The following CDC40 variants were observed in gnomAD, a reference collection of about 807,000 sequenced individuals.
The protein encoded by CDC40 is pre-mRNA-processing factor 17.
A neutral mutation model predicts 80.6 loss-of-function variants in CDC40; 27 were observed. That is an observed-to-expected ratio of 0.33 (90% CI 0.25 to 0.46). CDC40 has a LOEUF of 0.46. Ranked by LOEUF, CDC40 falls within the 20% of genes least tolerant of loss-of-function variation. The probability of loss-of-function intolerance (pLI) is 1.00; values close to 1 mark genes in which losing one functional copy is unlikely to be tolerated. For synonymous variants in CDC40, 221 were observed against 232.6 expected (o/e 0.95, Z 0.45); for missense variants, 486 against 694.1 (o/e 0.70, Z 3.37).
chr6:110,226,880 CATG>C (rs150076665), intron 13 of CDC40, among the ~76,000 whole-genome samples: 133 of 152,074 alleles, frequency 8.7e-4, no homozygotes, highest in Non-Finnish European at 1.6e-3. Context: ...AATCAGCTGG[CATG>C]GTGGTGCACA....
At chr6:110,214,982 G>A (rs896668144) in intron 8 of CDC40, among the ~76,000 whole-genome samples, 1 of 152,174 alleles carries the variant, frequency 6.6e-6, no homozygotes, top group Non-Finnish European at 1.5e-5. Flanking sequence ...AGAACAATAT[G>A]AAAATGAAAA....
At chr6:110,187,506 C>A (rs1373690244) in intron 1 of CDC40, among the ~76,000 whole-genome samples, 1 of 152,124 alleles carries the variant, frequency 6.6e-6, no homozygotes, top group Non-Finnish European at 1.5e-5. Context: ...CTGTTAAGGG[C>A]CAAACTCAGA....
intron 12 of CDC40, chr6:110,224,368 G>GTGTT (rs898051262): frequency 5.3e-5 from 8 of 151,834 alleles, no homozygotes; most frequent in African/African-American, 1.7e-4. Flanking sequence ...AATTAGTGCT[G>GTGTT]TGTTTGTTTG....
rs538120166 is a variant in CDC40, at chr6:110,197,792, G to A, written c.277-3766G>A. ...CTTTTTCAAGGCAGAATAGTAGGCCGTTGTGCAGACATACCACATTTTCTT... is the reference window on the plus strand; with the variant it reads ...CTTTTTCAAGGCAGAATAGTAGGCCATTGTGCAGACATACCACATTTTCTT... On this transcript the variant is annotated intron_variant, in intron 2 of 14. Coordinates refer to ENST00000307731, the MANE Select transcript of CDC40 (RefSeq NM_015891.3). Among the ~76,000 whole-genome samples, 13 of 152,228 alleles carry A rather than the reference G, an allele frequency of 8.5e-5. 1 individual carries two copies. The South Asian group carries it at 1.2e-3, about 15-fold the overall frequency.
chr6:110,210,286 G>C (rs764393241), intron 5 of CDC40, among the ~76,000 whole-genome samples: 5 of 151,490 alleles, frequency 3.3e-5, no homozygotes, highest in Admixed American at 1.3e-4. Flanking sequence ...GAGCTTGGCC[G>C]GGCCTGTAAG....
At chr6:110,218,618 A>G (rs930161763) in intron 10 of CDC40, among the ~76,000 whole-genome samples, 1 of 152,184 alleles carries the variant, frequency 6.6e-6, no homozygotes, top group Non-Finnish European at 1.5e-5. Context: ...AATTCTGGCC[A>G]CACATTGTAA....
At chr6:110,223,875 C>T (rs1424854993) in intron 12 of CDC40, among the ~76,000 whole-genome samples, 1 of 151,630 alleles carries the variant, frequency 6.6e-6, no homozygotes, top group Non-Finnish European at 1.5e-5. Flanking sequence ...CTCTGTCACC[C>T]AGGCTGGAGT....
intron 6 of CDC40, 33 bp downstream of exon 6, chr6:110,210,836 G>A: frequency 1.7e-6 from 2 of 1,195,092 alleles, no homozygotes; most frequent in Non-Finnish European, 2.3e-6. Flanking sequence ...TCATTTTTAT[G>A]AAAAACCTTC....
chr6:110,201,770 G>A, intron 3 of CDC40, 83 bp downstream of exon 3: 1 of 1,174,388 alleles, frequency 8.5e-7, no homozygotes, highest in Non-Finnish European at 1.2e-6. Flanking sequence ...TTATCTTCTG[G>A]CTTTTAAAAT....
In CDC40 at chr6:110,217,778, T is replaced by A; in HGVS notation, c.1065T>A (p.Tyr355Ter). ...TQFLSAAYDR[Y>*]LKLWDTETGQ... ...TCCTCAGTGCAGCCTATGACAGGTA[T>A]CTTAAGCTCTGGGACACTGAGACAG... is the stretch of plus-strand genomic sequence containing the variant. Residue 355 changes from tyrosine (Y) to a stop codon, truncating the protein, a stop_gained, in exon 10 of 15, where the codon TAT (tyrosine) becomes TAA (stop). Transcript: ENST00000307731. LOFTEE classifies it high-confidence loss of function. 6.3e-7 allele frequency: 1 copy of A among 1,588,484 alleles called. No individual in the cohort carries two copies. Among genetic ancestry groups the A allele is most frequent in the Non-Finnish European group, 8.6e-7 (1 of 1,156,754 alleles).
At chr6:110,184,948 AAAC>A (rs1648296151) in intron 1 of CDC40, among the ~76,000 whole-genome samples, 1 of 152,230 alleles carries the variant, frequency 6.6e-6, no homozygotes, top group Non-Finnish European at 1.5e-5. Flanking sequence ...GAACAAGTAA[AAAC>A]ATATCAGTAA....
intron 1 of CDC40, among the ~76,000 whole-genome samples, chr6:110,183,837 AT>A (rs1194139302): frequency 6.6e-6 from 1 of 151,038 alleles, no homozygotes; most frequent in South Asian, 2.1e-4. Flanking sequence ...TGGTGATTTA[AT>A]TTTTTTTTCT....
chr6:110,227,399 T>C (rs1324885651), intron 13 of CDC40, among the ~76,000 whole-genome samples: 1 of 152,218 alleles, frequency 6.6e-6, no homozygotes, highest in African/African-American at 2.4e-5. Context: ...AAATGCTCTA[T>C]CATTTTTATG....
rs534709125 is a variant in CDC40, at chr6:110,194,811, C to G, written c.276+1543C>G. 5.3e-5 allele frequency among the ~76,000 whole-genome samples: 8 copies of G among 152,270 alleles called. 1 individual carries two copies. The East Asian group carries it at 1.3e-3, about 26-fold the overall frequency. On this transcript the variant is annotated intron_variant, in intron 2 of 14. Transcript: ENST00000307731. Reference sequence around the variant, plus strand: ...TAACATTCTCATGTCATTTTATTTTCTCTGAAGCCTGCTTTTTTCATGAGT... The same window carrying G: ...TAACATTCTCATGTCATTTTATTTTGTCTGAAGCCTGCTTTTTTCATGAGT...
Position 110,182,726 on chromosome 6 carries a change from A to T in CDC40, c.189+2093A>T, listed in dbSNP as rs190999725. On this transcript the variant is annotated intron_variant, in intron 1 of 14. Transcript: ENST00000307731. ...GGGTTCTGTCCACTTTAACTCAATGATATTCATCAAATCTCTCTCTTCTGC... is the reference window on the plus strand; with the variant it reads ...GGGTTCTGTCCACTTTAACTCAATGTTATTCATCAAATCTCTCTCTTCTGC... Among the ~76,000 whole-genome samples the T allele has an allele frequency of 1.8e-3, 273 of 152,204 alleles. 2 individuals are homozygous for T. The highest frequency in any genetic ancestry group is 2.8e-3 in the Non-Finnish European group (193 of 67,996).
chr6:110,228,721 A>G lies in CDC40; in HGVS notation c.1418-111A>G, dbSNP rs1777896960. On this transcript the variant is annotated intron_variant, in intron 13 of 14. Transcript: ENST00000307731. ...TAGTAAATTTATTTTTTAGTATTATAAAGTATTTGGGAGCAAAACTTATAT... is the reference window on the plus strand; with the variant it reads ...TAGTAAATTTATTTTTTAGTATTATGAAGTATTTGGGAGCAAAACTTATAT... The G allele has an allele frequency of 5.3e-6, 4 of 752,374 alleles. No homozygotes were observed. The South Asian group carries it at 9.2e-5, about 17-fold the overall frequency. 46.6% of individuals were successfully genotyped at this position (752,374 alleles called of 1,614,324 possible). A position where few individuals can be genotyped will look rare whatever the true frequency, so the allele number is the denominator to read the frequency against.
At position 110,210,803 on chromosome 6, in the gene CDC40, G is replaced by A. The variant is rs1777628691; in HGVS notation, c.727G>A (p.Val243Ile). ...TGGGGAGGAGAAGACAATCTTACATGGTAACATATTTTTTGTACATCTTCA... is the reference window on the plus strand; with the variant it reads ...TGGGGAGGAGAAGACAATCTTACATAGTAACATATTTTTTGTACATCTTCA... Reference protein sequence around the residue: ...KPGEEKTILHVKEMYDYQGRS... With the variant: ...KPGEEKTILHIKEMYDYQGRS... Residue 243 changes from valine (V) to isoleucine (I), a missense_variant and splice_region_variant, in exon 6 of 15, where the codon GTT (valine) becomes ATT (isoleucine). By Grantham distance (29) the Val-to-Ile change is conservative. Transcript: ENST00000307731. 2 of 1,501,762 alleles carry A rather than the reference G, an allele frequency of 1.3e-6. No homozygotes were observed. Among genetic ancestry groups the A allele is most frequent in the South Asian group, 1.3e-5 (1 of 76,996 alleles). The allele number at this position is 1,501,762 out of a possible 1,614,324, so 93.0% of individuals were successfully genotyped here.
chr6:110,220,876 C>T lies in CDC40; in HGVS notation c.1340+1007C>T, dbSNP rs559285235. Among the ~76,000 whole-genome samples, 15 of 152,136 alleles carry T rather than the reference C, an allele frequency of 9.9e-5. No individual in the cohort carries two copies. In the East Asian group the frequency reaches 1.2e-3, roughly 12 times the overall value. On this transcript the variant is annotated intron_variant, in intron 12 of 14. Transcript: ENST00000307731. Reference sequence around the variant, plus strand: ...AGAACAGTATGGTAGAAACTGTCCCCGTGATTCAGTTATCTCCCACAGGGT... The same window carrying T: ...AGAACAGTATGGTAGAAACTGTCCCTGTGATTCAGTTATCTCCCACAGGGT...
intron 9 of CDC40, among the ~76,000 whole-genome samples, chr6:110,216,772 G>C (rs1309326887): frequency 6.6e-6 from 1 of 152,124 alleles, no homozygotes; most frequent in Non-Finnish European, 1.5e-5. Context: ...TTTTGCTTTT[G>C]TTTAGCCACA....
Sources: allele counts gnomAD v4.1 joint callset (sites outside exome capture counted in the v4.1 genomes callset), GRCh38; gene constraint gnomAD v4.1.1; transcripts MANE v1.5; gene names NCBI Gene and HGNC (gene_info 2026-07-23, HGNC 2026-07-21).